LCP1: variants seen among roughly 807,000 people sequenced by gnomAD.
The protein encoded by LCP1 is plastin-2.
LCP1 carries 23 observed loss-of-function variants against 72.0 expected under a neutral mutation model. The ratio of observed to expected loss-of-function variants is 0.32; its 90% CI spans 0.23 to 0.45. The LOEUF is 0.45. Ranked by LOEUF, LCP1 falls within the 20% of genes least tolerant of loss-of-function variation. The probability of loss-of-function intolerance (pLI) is 1.00; values close to 1 mark genes in which losing one functional copy is unlikely to be tolerated. For synonymous variants in LCP1, 245 were observed against 275.4 expected (o/e 0.89, Z 1.09); for missense variants, 571 against 748.3 (o/e 0.76, Z 2.76).
rs888881956 is a variant in LCP1, at chr13:46,177,362, C to T, written c.-25+4749G>A. On this transcript the variant is annotated intron_variant, in intron 1 of 15. Transcript: ENST00000323076. ...CTAAAATTATTCTAAACTTTAAAGGCCGGGCGCGGTGGCTCACGCCTGTAA... is the reference window on the plus strand; with the variant it reads ...CTAAAATTATTCTAAACTTTAAAGGTCGGGCGCGGTGGCTCACGCCTGTAA... Among the ~76,000 whole-genome samples, 35 of 152,196 alleles carry T rather than the reference C, an allele frequency of 2.3e-4. 2 individuals are homozygous for T. The highest frequency in any genetic ancestry group is 8.4e-4 in the African/African-American group (35 of 41,450).
chr13:46,151,846 G>T lies in LCP1; in HGVS notation c.740-768C>A, dbSNP rs894663987. On this transcript the variant is annotated intron_variant, in intron 7 of 15. Transcript: ENST00000323076. The stretch of plus-strand genomic sequence containing the variant: ...TAGGATTTGTACCTGATAACTAAAA[G>T]ATAACATCGTGTTTTGCATGATACT... Among the ~76,000 whole-genome samples the T allele has an allele frequency of 8.1e-4, 123 of 152,324 alleles. 1 individual carries two copies. The highest frequency in any genetic ancestry group is 5.1e-3 in the Admixed American group (78 of 15,298).
intron 1 of LCP1, among the ~76,000 whole-genome samples, chr13:46,163,027 G>A: frequency 6.9e-6 from 1 of 145,900 alleles, no homozygotes; most frequent in Non-Finnish European, 1.5e-5. Flanking sequence ...GGCAGCCCCC[G>A]CCCGGCCAGC....
At chr13:46,165,415 G>T (rs192326288) in intron 1 of LCP1, among the ~76,000 whole-genome samples, 1 of 151,846 alleles carries the variant, frequency 6.6e-6, no homozygotes, top group Non-Finnish European at 1.5e-5. Context: ...TTTAATTCAC[G>T]CATATTTGAA....
In LCP1 at chr13:46,146,190, C is replaced by T. The variant is rs912764774; in HGVS notation, c.1174+718G>A. Among the ~76,000 whole-genome samples, 7 of 152,036 alleles carry T rather than the reference C, an allele frequency of 4.6e-5. No individual in the cohort carries two copies. The East Asian group carries it at 9.6e-4, about 21-fold the overall frequency. ...ACACCAATGCAGGAGTGTTGGAGCA[C>T]GATTATGCTGCATTTCTAGTGAGAG... On this transcript the variant is annotated intron_variant, in intron 10 of 15. Coordinates refer to ENST00000323076, the MANE Select transcript of LCP1 (RefSeq NM_002298.5).
chr13:46,170,471 C>A (rs916376622), intron 1 of LCP1, among the ~76,000 whole-genome samples: 1 of 151,992 alleles, frequency 6.6e-6, no homozygotes, highest in African/African-American at 2.4e-5. Flanking sequence ...GGGTCTCTAT[C>A]CAACTCTGTA....
chr13:46,160,325 G>A (rs1041038023), intron 1 of LCP1, among the ~76,000 whole-genome samples: 1 of 152,136 alleles, frequency 6.6e-6, no homozygotes, highest in Non-Finnish European at 1.5e-5. Context: ...GAACAGAGAA[G>A]ACAAAACGAG....
At chr13:46,177,106 T>C (rs1197385682) in intron 1 of LCP1, among the ~76,000 whole-genome samples, 1 of 152,248 alleles carries the variant, frequency 6.6e-6, no homozygotes, top group African/African-American at 2.4e-5. Context: ...GACACAGCCA[T>C]GGCTCTGAAG....
Position 46,135,370 on chromosome 13 carries a change from C to T in LCP1, c.1503-1120G>A, listed in dbSNP as rs141192977. 2.9e-3 allele frequency among the ~76,000 whole-genome samples: 443 copies of T among 152,258 alleles called. 4 individuals carry two copies. Among genetic ancestry groups the T allele is most frequent in the African/African-American group, 0.01 (416 of 41,544 alleles). ...ATCCTGTGACTGAATCTCATCTGACCGGTTCTACCTAAATTCAGGTCACCC... is the reference window on the plus strand; with the variant it reads ...ATCCTGTGACTGAATCTCATCTGACTGGTTCTACCTAAATTCAGGTCACCC... On this transcript the variant is annotated intron_variant, in intron 13 of 15. Transcript: ENST00000323076.
intron 1 of LCP1, among the ~76,000 whole-genome samples, chr13:46,160,410 T>A (rs550365776): frequency 5.5e-4 from 84 of 152,348 alleles, no homozygotes; most frequent in African/African-American, 1.9e-3. Flanking sequence ...TTTACATAAA[T>A]GTCTTTTTTA....
intron 2 of LCP1, 89 bp from the exon 3 acceptor site, chr13:46,159,078 G>C (rs2045821756): frequency 8.6e-7 from 1 of 1,169,152 alleles, no homozygotes; most frequent in Middle Eastern, 2.0e-4. Flanking sequence ...AAGGTGAAGG[G>C]ACGAGAGAGG....
At chr13:46,161,574 T>G (rs2045838659) in intron 1 of LCP1, among the ~76,000 whole-genome samples, 1 of 152,170 alleles carries the variant, frequency 6.6e-6, no homozygotes, top group Non-Finnish European at 1.5e-5. Context: ...TTTTCTTTCC[T>G]TCTTCCTTCC....
chr13:46,129,399 T>C (rs1256221794), intron 15 of LCP1, among the ~76,000 whole-genome samples: 1 of 152,104 alleles, frequency 6.6e-6, no homozygotes, highest in Admixed American at 6.5e-5. Context: ...CATATGTGTT[T>C]TTCCTTCTGC....
chr13:46,151,151 T>C (rs1009546920), intron 7 of LCP1, 73 bp from the exon 8 acceptor site: 1 of 1,476,128 alleles, frequency 6.8e-7, no homozygotes, highest in Non-Finnish European at 9.1e-7. Flanking sequence ...ATAACTTTCA[T>C]TAAGCTCTGC....
At chr13:46,151,128 AG>A (rs1350528612) in intron 7 of LCP1, 50 bp from the exon 8 acceptor site, 10 of 1,546,000 alleles carry the variant, frequency 6.5e-6, no homozygotes, top group Admixed American at 3.0e-5. Flanking sequence ...ATGTTGGGGG[AG>A]GGGGGTTGGT....
At chr13:46,178,843 G>A (rs1593968687) in intron 1 of LCP1, among the ~76,000 whole-genome samples, 1 of 152,116 alleles carries the variant, frequency 6.6e-6, no homozygotes, top group Non-Finnish European at 1.5e-5. Flanking sequence ...TTTTATAAGT[G>A]TTTGACTCTT....
In LCP1 at chr13:46,151,947, G is replaced by A. The variant is rs551366910; in HGVS notation, c.739+833C>T. 7.2e-5 allele frequency among the ~76,000 whole-genome samples: 11 copies of A among 152,304 alleles called. No individual in the cohort carries two copies. In the East Asian group the frequency reaches 1.2e-3, roughly 16 times the overall value. ...TACAGATAAGATGGTGAGAGAAGAC[G>A]CAATAAGATTGACAGCTACATATTT... On this transcript the variant is annotated intron_variant, in intron 7 of 15. Transcript: ENST00000323076.
chr13:46,157,111 C>T (rs932216794), intron 4 of LCP1, among the ~76,000 whole-genome samples: 7 of 151,652 alleles, frequency 4.6e-5, no homozygotes, highest in Admixed American at 1.3e-4. Flanking sequence ...TGAGCCACCG[C>T]GCCCGGCCAA....
chr13:46,175,425 A>G (rs1221906940), intron 1 of LCP1, among the ~76,000 whole-genome samples: 1 of 152,192 alleles, frequency 6.6e-6, no homozygotes. Flanking sequence ...CCAGAATATA[A>G]ATCCAAATCT....
At chr13:46,141,012 G>C (rs2045694178) in intron 13 of LCP1, among the ~76,000 whole-genome samples, 1 of 152,100 alleles carries the variant, frequency 6.6e-6, no homozygotes, top group Admixed American at 6.5e-5. Flanking sequence ...AGGGCTGGTG[G>C]GTATGGAAGA....
Sources: allele counts gnomAD v4.1 joint callset (sites outside exome capture counted in the v4.1 genomes callset), GRCh38; gene constraint gnomAD v4.1.1; transcripts MANE v1.5; gene names NCBI Gene and HGNC (gene_info 2026-07-23, HGNC 2026-07-21).